Variants in DOCK1 observed in about 807,000 individuals in gnomAD.
DOCK1 encodes dedicator of cytokinesis 1, also known as dedicator of cytokinesis protein 1.
A neutral mutation model predicts 262.7 loss-of-function variants in DOCK1; 138 were observed. The observed-to-expected ratio is 0.53, with a 90% confidence interval of 0.46 to 0.61. The LOEUF is 0.61. Among genes scored for constraint, DOCK1 ranks in the 20% least tolerant of loss-of-function variants. The pLI is 0.00. For missense variants in DOCK1, 1,908 were observed against 2,370.7 expected (o/e 0.80, Z 4.05); for synonymous variants, 866 against 867.4 (o/e 1.00, Z 0.03).
chr10:126,918,599 C>A (rs1368248643), intron 1 of DOCK1, among the ~76,000 whole-genome samples: 1 of 152,186 alleles, frequency 6.6e-6, no homozygotes, highest in African/African-American at 2.4e-5. Context: ...CCCCCTCCAG[C>A]TCTGTATGTT....
intron 24 of DOCK1, 102 bp downstream of exon 24, chr10:127,106,403 A>G: frequency 8.1e-7 from 1 of 1,227,772 alleles, no homozygotes; most frequent in African/African-American, 1.5e-5. Flanking sequence ...TCATGTCTCC[A>G]TATGTCAGTG....
Position 126,995,679 on chromosome 10 carries a change from A to G in DOCK1, c.474-1069A>G. 1.0e-5 allele frequency among the ~76,000 whole-genome samples: 1 copy of G among 95,252 alleles called. No individual in the cohort carries two copies. Among genetic ancestry groups the G allele is most frequent in the South Asian group, 5.3e-4 (1 of 1,878 alleles). The allele number at this position is 95,252 out of a possible 152,430, so 62.5% of individuals were successfully genotyped here. ...GGAGAGGGAGAGGGAGACCGTGGAGAGGGAGAGGGAGAGGGAGAATGTACT... is the reference window on the plus strand; with the variant it reads ...GGAGAGGGAGAGGGAGACCGTGGAGGGGGAGAGGGAGAGGGAGAATGTACT... On this transcript the variant is annotated intron_variant, in intron 6 of 51. Transcript: ENST00000623213. The surrounding 1 kb of genome is among the most constrained non-coding windows in gnomAD (Gnocchi z 5.8).
chr10:127,029,888 C>T (rs12242585), intron 16 of DOCK1, among the ~76,000 whole-genome samples: 4,234 of 152,154 alleles, frequency 0.028, 193 homozygotes, highest in African/African-American at 0.095. Context: ...TTTCCAAGTC[C>T]ACCCAAACTT....
chr10:127,051,639 G>A (rs574115119), intron 21 of DOCK1, among the ~76,000 whole-genome samples: 1 of 152,284 alleles, frequency 6.6e-6, no homozygotes, highest in East Asian at 1.9e-4. Flanking sequence ...CTGGAGTGCA[G>A]TAGCGCGATC....
chr10:127,125,741 C>T, intron 26 of DOCK1, 140 bp downstream of exon 26: 2 of 1,196,936 alleles, frequency 1.7e-6, no homozygotes, highest in Non-Finnish European at 2.2e-6. Flanking sequence ...AGAGTTGCAC[C>T]CTTAAATTAT....
At chr10:127,224,858 C>G (rs1315306702) in intron 27 of DOCK1, among the ~76,000 whole-genome samples, 2 of 151,892 alleles carry the variant, frequency 1.3e-5, no homozygotes, top group Non-Finnish European at 2.9e-5. Flanking sequence ...AAAAGGAGTG[C>G]ATGCATTAAA....
rs111496535 is a variant in DOCK1 at position 127,325,107 on chromosome 10, T to C, written c.3045-13899T>C. ...TGTGGAATTCAACAAGGAGAACCCA[T>C]TTCTCTTAATCATTACACTCATTAA... is the stretch of plus-strand genomic sequence containing the variant. On this transcript the variant is annotated intron_variant, in intron 29 of 51. Transcript: ENST00000623213. Among the ~76,000 whole-genome samples the C allele has an allele frequency of 3.3e-4, 51 of 152,306 alleles. 1 individual carries two copies. Among genetic ancestry groups the C allele is most frequent in the African/African-American group, 1.1e-3 (46 of 41,558 alleles).
chr10:127,269,293 G>A (rs565329359), intron 29 of DOCK1, among the ~76,000 whole-genome samples: 1 of 152,272 alleles, frequency 6.6e-6, no homozygotes, highest in African/African-American at 2.4e-5. Flanking sequence ...TGACATGATA[G>A]TGTGTCATTG....
chr10:127,434,800 A>T (rs1287140282), intron 48 of DOCK1, among the ~76,000 whole-genome samples: 1 of 152,082 alleles, frequency 6.6e-6, no homozygotes, highest in Non-Finnish European at 1.5e-5. Context: ...CTACAGGCAC[A>T]TGCCACCATG....
intron 43 of DOCK1, 146 bp from the exon 44 acceptor site, chr10:127,415,006 A>G: frequency 1.5e-6 from 1 of 676,046 alleles, no homozygotes; most frequent in South Asian, 1.9e-5. Context: ...CTGAAGGCAC[A>G]CATGCCCTGT....
rs757856557 is a variant in DOCK1 at position 126,905,507 on chromosome 10, C to G, written c.-11C>G. On this transcript the variant is annotated 5_prime_UTR_variant, in exon 1 of 52. Coordinates refer to ENST00000623213, the MANE Select transcript of DOCK1 (RefSeq NM_001290223.2). ...GTTTCCTGCCCGACCCGCGGCGGCTCCGGCGGCGCCATGACGCGCTGGGTG... is the reference window on the plus strand; with the variant it reads ...GTTTCCTGCCCGACCCGCGGCGGCTGCGGCGGCGCCATGACGCGCTGGGTG... 1 of 536,286 alleles carries G rather than the reference C, an allele frequency of 1.9e-6. No homozygotes were observed. Among genetic ancestry groups the G allele is most frequent in the Non-Finnish European group, 3.4e-6 (1 of 292,468 alleles). 33.2% of individuals were successfully genotyped at this position (536,286 alleles called of 1,614,324 possible).
chr10:127,316,567 A>G (rs1436242587), intron 29 of DOCK1, among the ~76,000 whole-genome samples: 1 of 152,068 alleles, frequency 6.6e-6, no homozygotes, highest in Non-Finnish European at 1.5e-5. Flanking sequence ...TTTCCTTTTT[A>G]TATTTGAAAG....
At chr10:127,064,649 G>T (rs1159425241) in intron 23 of DOCK1, among the ~76,000 whole-genome samples, 1 of 152,096 alleles carries the variant, frequency 6.6e-6, no homozygotes, top group African/African-American at 2.4e-5. Context: ...CTCCCCAGGC[G>T]CCCGCCGTGC....
rs112006188 is a variant in DOCK1, at chr10:127,051,792, A to G, written c.2202-889A>G. Among the ~76,000 whole-genome samples the G allele has an allele frequency of 6.4e-3, 967 of 152,260 alleles. 7 individuals carry two copies. Among genetic ancestry groups the G allele is most frequent in the Middle Eastern group, 0.034 (10 of 294 alleles). On this transcript the variant is annotated intron_variant, in intron 21 of 51. Transcript: ENST00000623213. Reference sequence around the variant, plus strand: ...GAGGCAGGGTTTCATTTTGTTGTCCAGGCTGGTCTCAAACTCCTGAGTTGA... The same window carrying G: ...GAGGCAGGGTTTCATTTTGTTGTCCGGGCTGGTCTCAAACTCCTGAGTTGA...
intron 47 of DOCK1, among the ~76,000 whole-genome samples, chr10:127,426,646 A>G (rs942729617): frequency 6.6e-6 from 1 of 152,202 alleles, no homozygotes; most frequent in Non-Finnish European, 1.5e-5. Flanking sequence ...AGGAGTTTGA[A>G]TGGCAGGCCA....
At chr10:127,275,754 G>A (rs2060717889) in intron 29 of DOCK1, among the ~76,000 whole-genome samples, 1 of 131,016 alleles carries the variant, frequency 7.6e-6, no homozygotes, top group African/African-American at 2.5e-5. Flanking sequence ...GTCAACCTGT[G>A]TGTAGATGTA....
intron 22 of DOCK1, among the ~76,000 whole-genome samples, chr10:127,056,870 A>T (rs1223001123): frequency 6.6e-6 from 1 of 152,150 alleles, no homozygotes; most frequent in African/African-American, 2.4e-5. Flanking sequence ...GGCTGAGAAG[A>T]TATTTCATAG....
intron 13 of DOCK1, 83 bp from the exon 14 acceptor site, chr10:127,023,117 G>A (rs1355429294): frequency 1.4e-6 from 2 of 1,446,314 alleles, no homozygotes; most frequent in Non-Finnish European, 1.9e-6. Context: ...AATCTATGAG[G>A]ATAGGTAGAC....
chr10:127,148,980 G>T (rs1428193555), intron 27 of DOCK1, among the ~76,000 whole-genome samples: 1 of 152,120 alleles, frequency 6.6e-6, no homozygotes, highest in African/African-American at 2.4e-5. Context: ...TGGTACTTGG[G>T]GTTTCAGTGG....
Sources: allele counts gnomAD v4.1 joint callset (sites outside exome capture counted in the v4.1 genomes callset), GRCh38; gene constraint gnomAD v4.1.1; non-coding constraint Gnocchi (gnomAD v3.1); transcripts MANE v1.5; gene names NCBI Gene and HGNC (gene_info 2026-07-23, HGNC 2026-07-21).